The following CLMN variants were observed in gnomAD, a reference collection of about 807,000 sequenced individuals.
CLMN encodes calmin.
Under a neutral mutation model 92.7 loss-of-function variants are expected in CLMN, and 57 were observed. The ratio of observed to expected loss-of-function variants is 0.61; its 90% confidence interval spans 0.50 to 0.77. CLMN has a LOEUF of 0.77. Among genes scored for constraint, CLMN ranks in the 30% least tolerant of loss-of-function variants. The pLI is 0.00. For missense variants in CLMN, 1,158 were observed against 1,237.5 expected (o/e 0.94, Z 0.96); for synonymous variants, 466 against 470.6 (o/e 0.99, Z 0.13).
intron 1 of CLMN, among the ~76,000 whole-genome samples, chr14:95,314,979 G>A (rs1260828102): frequency 6.6e-6 from 1 of 152,190 alleles, no homozygotes; most frequent in Non-Finnish European, 1.5e-5. Context: ...AAGAGCTGGC[G>A]GAGGTGGGAA....
rs954474726 is a variant in CLMN at position 95,222,448 on chromosome 14, G to C, written c.241-674C>G. 5.6e-4 allele frequency: 226 copies of C among 403,870 alleles called. 1 individual carries two copies. Among genetic ancestry groups the C allele is most frequent in the African/African-American group, 4.3e-3 (207 of 48,518 alleles). The allele number at this position is 403,870 out of a possible 1,614,324, so 25.0% of individuals were successfully genotyped here. On this transcript the variant is annotated intron_variant, in intron 3 of 12. Coordinates refer to ENST00000298912, the MANE Select transcript of CLMN (RefSeq NM_024734.4). ...CGCTCCTCCAGGTTGGGGGAAGATG[G>C]CATTACAAGGCAAACCAGTGGGTCA...
intron 8 of CLMN, among the ~76,000 whole-genome samples, chr14:95,209,034 A>G (rs1452124828): frequency 2.0e-5 from 3 of 152,200 alleles, no homozygotes; most frequent in Non-Finnish European, 4.4e-5. Context: ...ATGTCGGCCC[A>G]TGGTTATAAT....
chr14:95,215,815 CTGTGTGTGTGTGTG>C (rs57063101), intron 4 of CLMN, 82 bp from the exon 5 acceptor site: 111,973 of 564,144 alleles, frequency 0.2, 5,672 homozygotes, highest in Middle Eastern at 0.25. Flanking sequence ...CTCTCTCTCT[CTGTGTGTGTGTGTG>C]TGTGTGTGTG....
chr14:95,203,910 T>C lies in CLMN; in HGVS notation c.1439A>G (p.Lys480Arg). Residue 480 changes from lysine to arginine, a missense_variant, in exon 9 of 13, where the codon AAG becomes AGG. Physicochemically the swap from Lys to Arg is conservative, Grantham distance 26 (BLOSUM62 2). Transcript: ENST00000298912. ...CTTGTCAGAGGAGGATTCTGGAATC[T>C]TCGAGGATTCCTGTTTCTGTTCCTT... ...EEKEQKQESS[K>R]IPESSSDKVA... is the part of the protein sequence containing the mutation. The C allele has an allele frequency of 1.9e-6, 3 of 1,613,176 alleles. No homozygotes were observed. The highest frequency in any genetic ancestry group is 2.5e-6 in the Non-Finnish European group (3 of 1,180,032).
At chr14:95,232,300 T>C (rs1897915065) in intron 1 of CLMN, among the ~76,000 whole-genome samples, 1 of 152,252 alleles carries the variant, frequency 6.6e-6, no homozygotes. Context: ...CTACTGGATT[T>C]CAACATATTG....
chr14:95,210,644 G>A, intron 7 of CLMN, 42 bp downstream of exon 7: 2 of 1,579,760 alleles, frequency 1.3e-6, no homozygotes, highest in Non-Finnish European at 1.7e-6. Flanking sequence ...TGGTACATTT[G>A]TAAAAAAAAA....
At chr14:95,264,761 G>A (rs563097180) in intron 1 of CLMN, among the ~76,000 whole-genome samples, 1 of 152,164 alleles carries the variant, frequency 6.6e-6, no homozygotes, top group East Asian at 1.9e-4. Flanking sequence ...CGTTTTTTAG[G>A]TAAGATTAAC....
chr14:95,196,694 A>G lies in CLMN; in HGVS notation c.2512T>C (p.Ser838Pro). The G allele has an allele frequency of 6.2e-7, 1 of 1,611,678 alleles. No individual in the cohort carries two copies. The highest frequency in any genetic ancestry group is 8.5e-7 in the Non-Finnish European group (1 of 1,179,170). Residue 838 changes from serine to proline, a missense_variant and splice_region_variant, in exon 10 of 13, where the codon TCC (serine) becomes CCC (proline). Physicochemically the swap from Ser to Pro is moderately conservative, Grantham distance 74. Transcript: ENST00000298912. Reference sequence around the variant, plus strand: ...TTTTCCAGGTTTGGGGATTCCTGGGACTGAAAGACAGAACAACCAAATCCA... The same window carrying G: ...TTTTCCAGGTTTGGGGATTCCTGGGGCTGAAAGACAGAACAACCAAATCCA... ...KENDPMDSHQ[S>P]QESPNLENIA...
In CLMN at chr14:95,256,473, GAC is replaced by G. The variant is rs1368818679; in HGVS notation, c.83-26342_83-26341del. Among the ~76,000 whole-genome samples, 1 of 152,158 alleles carries G rather than the reference GAC, an allele frequency of 6.6e-6. No individual in the cohort carries two copies. Among genetic ancestry groups the G allele is most frequent in the South Asian group, 2.1e-4 (1 of 4,830 alleles). On this transcript the variant is annotated intron_variant, in intron 1 of 12. Coordinates refer to ENST00000298912, the MANE Select transcript of CLMN (RefSeq NM_024734.4). This position sits in a 1 kb window ranked among gnomAD's most constrained non-coding sequence, Gnocchi z 4.9. Reference sequence around the variant, plus strand: ...AACTCCTTCTTTGTGAACACGTTTTGACACAGTTTGCTCCCTGTGAAGGAGCT... The same window carrying G: ...AACTCCTTCTTTGTGAACACGTTTTGACAGTTTGCTCCCTGTGAAGGAGCT...
chr14:95,270,387 T>C (rs1187486790), intron 1 of CLMN, among the ~76,000 whole-genome samples: 1 of 152,198 alleles, frequency 6.6e-6, no homozygotes, highest in African/African-American at 2.4e-5. Flanking sequence ...ACAATCTAAT[T>C]TTAGAACACA....
rs1896538434 is a variant in CLMN, at chr14:95,190,645, T to C, written c.*919A>G. ...CAGAAAGCCTCTTCAAGAAACCCAT[T>C]ACAAGTGACCACAAAGAATGCCCGT... On this transcript the variant is annotated 3_prime_UTR_variant, in exon 13 of 13. Coordinates refer to ENST00000298912, the MANE Select transcript of CLMN (RefSeq NM_024734.4). 6.6e-6 allele frequency: 1 copy of C among 152,228 alleles called. No homozygotes were observed. Among genetic ancestry groups the C allele is most frequent in the East Asian group, 1.9e-4 (1 of 5,178 alleles). 9.4% of individuals were successfully genotyped at this position (152,228 alleles called of 1,614,324 possible).
At chr14:95,263,667 A>G (rs564659140) in intron 1 of CLMN, among the ~76,000 whole-genome samples, 93 of 152,254 alleles carry the variant, frequency 6.1e-4, no homozygotes, top group Non-Finnish European at 1.1e-3. Context: ...CTGGAAGGGC[A>G]TGAGACAGGC....
At chr14:95,224,574 C>T (rs1187740610) in intron 2 of CLMN, among the ~76,000 whole-genome samples, 12 of 152,164 alleles carry the variant, frequency 7.9e-5, no homozygotes, top group Admixed American at 1.3e-4. Context: ...TGAGCCACTG[C>T]GCCCGGCCAC....
intron 9 of CLMN, among the ~76,000 whole-genome samples, chr14:95,202,386 G>A (rs562864399): frequency 6.6e-6 from 1 of 152,272 alleles, no homozygotes; most frequent in East Asian, 1.9e-4. Context: ...ACTAATATTT[G>A]GTTTCTGTGT....
intron 4 of CLMN, among the ~76,000 whole-genome samples, chr14:95,220,572 A>G (rs1250530340): frequency 6.6e-6 from 1 of 152,168 alleles, no homozygotes; most frequent in Non-Finnish European, 1.5e-5. Context: ...CATGAACTGT[A>G]ATGCGCTTGC....
chr14:95,193,909 C>T lies in CLMN; in HGVS notation c.2780G>A (p.Ser927Asn). 1 of 1,613,732 alleles carries T rather than the reference C, an allele frequency of 6.2e-7. No homozygotes were observed. Among genetic ancestry groups the T allele is most frequent in the Non-Finnish European group, 8.5e-7 (1 of 1,179,902 alleles). Reference protein sequence around the residue: ...THRSSESDHFSYVQLRNAADL... With the variant: ...THRSSESDHFNYVQLRNAADL... ...TGCTGCGTTCCTCAACTGAACATAGCTAAAATGATCCTACAGTGAAATTTA... is the reference window on the plus strand; with the variant it reads ...TGCTGCGTTCCTCAACTGAACATAGTTAAAATGATCCTACAGTGAAATTTA... The change falls in exon 12 of 13, where the codon AGC (serine) becomes AAC (asparagine). Residue 927 changes from serine (S) to asparagine (N), a missense_variant. Coordinates refer to ENST00000298912, the MANE Select transcript of CLMN (RefSeq NM_024734.4).
chr14:95,248,803 C>T (rs894561125), intron 1 of CLMN, among the ~76,000 whole-genome samples: 2 of 152,194 alleles, frequency 1.3e-5, no homozygotes, highest in Non-Finnish European at 1.5e-5. Flanking sequence ...GTGGGGGGAA[C>T]TGGAATAGGA....
intron 1 of CLMN, among the ~76,000 whole-genome samples, chr14:95,298,565 C>G (rs752543027): frequency 1.3e-5 from 2 of 152,222 alleles, no homozygotes; most frequent in Admixed American, 6.5e-5. Flanking sequence ...CCCCACCAAA[C>G]ACACAATTTT....
At chr14:95,292,191 T>C (rs972672570) in intron 1 of CLMN, among the ~76,000 whole-genome samples, 21 of 152,132 alleles carry the variant, frequency 1.4e-4, no homozygotes, top group Admixed American at 6.5e-4. Context: ...ACTCGACACA[T>C]TCACAGGGAA....
Sources: gnomAD v4.1 joint callset for allele counts (sites outside exome capture counted in the v4.1 genomes callset) on GRCh38, gnomAD v4.1.1 for gene constraint, Gnocchi (gnomAD v3.1) non-coding constraint, MANE v1.5 for transcripts, NCBI Gene and HGNC (gene_info 2026-07-23, HGNC 2026-07-21) for gene names.